FAM193A: variants seen among roughly 807,000 people sequenced by gnomAD.
FAM193A encodes protein FAM193A.
FAM193A carries 22 observed loss-of-function variants against 126.5 expected under a neutral mutation model. That is an observed-to-expected ratio of 0.17 (90% CI 0.12 to 0.25). The LOEUF is 0.25. Among genes scored for constraint, FAM193A ranks in the 10% least tolerant of loss-of-function variants. The pLI, the probability that FAM193A is intolerant of heterozygous loss-of-function variation, is 1.00. For missense variants in FAM193A, 1,675 were observed against 1,672.8 expected, an observed-to-expected ratio of 1.00 and a Z score of -0.02; for synonymous variants, 761 against 646.8, an observed-to-expected ratio of 1.18 and a Z score of -2.68.
intron 1 of FAM193A, among the ~76,000 whole-genome samples, chr4:2,573,519 A>T (rs1410902435): frequency 6.6e-6 from 1 of 151,908 alleles, no homozygotes; most frequent in Non-Finnish European, 1.5e-5. Flanking sequence ...TCTTCAAAAA[A>T]AAAAAAAAAA....
At chr4:2,552,845 TTC>T (rs1738021549) in intron 1 of FAM193A, among the ~76,000 whole-genome samples, 2 of 141,730 alleles carry the variant, frequency 1.4e-5, no homozygotes, top group South Asian at 4.4e-4. Context: ...CCACAGAACT[TTC>T]TTTTTTTTTT....
At chr4:2,720,316 G>A (rs1049613939) in intron 20 of FAM193A, among the ~76,000 whole-genome samples, 2 of 152,068 alleles carry the variant, frequency 1.3e-5, no homozygotes, top group Admixed American at 1.3e-4. Flanking sequence ...TACAGCAAGG[G>A]GCTAACTGTG....
rs1265366455 is a variant in FAM193A at position 2,695,004 on chromosome 4, G to C, written c.3151G>C (p.Asp1051His). Residue 1051 changes from aspartate to histidine, a missense_variant, in exon 17 of 21, where the codon GAT becomes CAT. By Grantham distance (81) the Asp-to-His change is moderately conservative. Coordinates refer to ENST00000637812, the MANE Select transcript of FAM193A (RefSeq NM_001366318.2). ...TGGTGTCTACGACCCACAGCAGGAT[G>C]ATGGGGACGAGAGTGCAGATGAGGA... ...ENGVYDPQQD[D>H]GDESADEDSC... is the part of the protein sequence containing the mutation. The C allele has an allele frequency of 8.1e-6, 13 of 1,610,044 alleles. No homozygotes were observed. The highest frequency in any genetic ancestry group is 1.3e-5 in the African/African-American group (1 of 74,838).
intron 7 of FAM193A, among the ~76,000 whole-genome samples, chr4:2,656,075 C>A (rs957846251): frequency 6.6e-6 from 1 of 152,170 alleles, no homozygotes; most frequent in Non-Finnish European, 1.5e-5. Flanking sequence ...GTGTGAGCCA[C>A]TGCATCCAGC....
chr4:2,541,446 CTTT>C (rs576194070), intron 1 of FAM193A, among the ~76,000 whole-genome samples: 13 of 137,820 alleles, frequency 9.4e-5, no homozygotes, highest in African/African-American at 1.4e-4. Flanking sequence ...TCATTGTGTA[CTTT>C]TTTTTTTTTT....
chr4:2,687,942 C>T (rs377248462), intron 13 of FAM193A, among the ~76,000 whole-genome samples: 3 of 152,208 alleles, frequency 2.0e-5, no homozygotes, highest in East Asian at 1.9e-4. Context: ...CCTGTCCTCC[C>T]TCTGCCCCAG....
chr4:2,702,319 G>A (rs10937931), intron 19 of FAM193A, among the ~76,000 whole-genome samples: 10,588 of 152,128 alleles, frequency 0.07, 653 homozygotes, highest in African/African-American at 0.16. Flanking sequence ...CATTTGATGC[G>A]GCCCTACCAG....
chr4:2,704,261 C>CAAAA (rs958166050), intron 19 of FAM193A, among the ~76,000 whole-genome samples: 1 of 89,312 alleles, frequency 1.1e-5, no homozygotes. Flanking sequence ...GACTCCATCT[C>CAAAA]AAAAAAAAAA....
chr4:2,549,382 GTTTTCTTT>G (rs1162428180), intron 1 of FAM193A, among the ~76,000 whole-genome samples: 4 of 144,408 alleles, frequency 2.8e-5, no homozygotes, highest in African/African-American at 7.6e-5. Flanking sequence ...TTCCCTCTAT[GTTTTCTTT>G]TTTTCTTTTT....
At chr4:2,587,520 C>T (rs1379841369) in intron 1 of FAM193A, among the ~76,000 whole-genome samples, 4 of 152,136 alleles carry the variant, frequency 2.6e-5, no homozygotes, top group South Asian at 2.1e-4. Flanking sequence ...AGCAAAACCT[C>T]GTCTCTGCTA....
chr4:2,672,192 A>G lies in FAM193A; in HGVS notation c.2151A>G (p.Ala717=), dbSNP rs759965495. ...KQEASGLTPS[A]MTAGALPPGH... is the part of the protein sequence containing the mutation. Reference sequence around the variant, plus strand: ...AAGCTTCTGGACTGACACCATCTGCAATGACAGCCGGAGCCCTTCCTCCTG... The same window carrying G: ...AAGCTTCTGGACTGACACCATCTGCGATGACAGCCGGAGCCCTTCCTCCTG... Residue 717 remains alanine (A), a synonymous_variant, in exon 13 of 21, where the codon GCA becomes GCG. Coordinates refer to ENST00000637812, the MANE Select transcript of FAM193A (RefSeq NM_001366318.2). 4 of 1,614,180 alleles carry G rather than the reference A, an allele frequency of 2.5e-6. No homozygotes were observed. The Admixed American group carries it at 5.0e-5, about 20-fold the overall frequency.
At position 2,731,979 on chromosome 4, in the gene FAM193A, G is replaced by A. The variant is rs538356037; in HGVS notation, c.*111G>A. 21 of 842,296 alleles carry A rather than the reference G, an allele frequency of 2.5e-5. No individual in the cohort carries two copies. The highest frequency in any genetic ancestry group is 1.8e-4 in the South Asian group (13 of 72,336). The allele number at this position is 842,296 out of a possible 1,614,324, so 52.2% of individuals were successfully genotyped here. A position where few individuals can be genotyped will look rare whatever the true frequency, so the allele number is the denominator to read the frequency against. On this transcript the variant is annotated 3_prime_UTR_variant, in exon 21 of 21. Coordinates refer to ENST00000637812, the MANE Select transcript of FAM193A (RefSeq NM_001366318.2). ...CCGTGGTGCTTGCCAAGGGCTGTGC[G>A]GAGCTGGTGCTGCCTGAAACCCCAG...
intron 1 of FAM193A, among the ~76,000 whole-genome samples, chr4:2,543,353 C>G (rs1296834209): frequency 6.6e-6 from 1 of 151,988 alleles, no homozygotes; most frequent in Non-Finnish European, 1.5e-5. Flanking sequence ...TCTCAAAGTG[C>G]TAGGATTACG....
chr4:2,699,527 G>A (rs973746976), intron 18 of FAM193A, among the ~76,000 whole-genome samples, 153 bp from the exon 19 acceptor site: 38 of 151,280 alleles, frequency 2.5e-4, no homozygotes, highest in Admixed American at 6.6e-5. Context: ...AAGAGAATTG[G>A]AGGTGGGTGT....
intron 1 of FAM193A, among the ~76,000 whole-genome samples, chr4:2,572,867 T>G (rs1342593919): frequency 6.6e-6 from 1 of 150,850 alleles, no homozygotes; most frequent in African/African-American, 2.4e-5. Context: ...GGCTTTTCTG[T>G]AATCCAGGTG....
chr4:2,681,401 C>G (rs913729871), intron 13 of FAM193A, among the ~76,000 whole-genome samples: 2 of 151,458 alleles, frequency 1.3e-5, no homozygotes, highest in Non-Finnish European at 2.9e-5. Flanking sequence ...TTAGATTGTT[C>G]TTTTTCTAAT....
chr4:2,683,926 C>T (rs1198963823), intron 13 of FAM193A, among the ~76,000 whole-genome samples: 1 of 152,210 alleles, frequency 6.6e-6, no homozygotes, highest in Non-Finnish European at 1.5e-5. Context: ...TTGCAGCTCC[C>T]TGACTCTTTC....
At chr4:2,675,012 G>A (rs529320191) in intron 13 of FAM193A, among the ~76,000 whole-genome samples, 19 of 152,282 alleles carry the variant, frequency 1.2e-4, no homozygotes, top group African/African-American at 4.6e-4. Flanking sequence ...AAAACTGTAA[G>A]TGCCAGAGAA....
chr4:2,650,716 C>A (rs866903574), intron 7 of FAM193A, among the ~76,000 whole-genome samples: 4 of 152,148 alleles, frequency 2.6e-5, no homozygotes, highest in South Asian at 2.1e-4. Context: ...GAGCTGCAGT[C>A]AAGTTGTATT....
Sources: allele counts gnomAD v4.1 joint callset (sites outside exome capture counted in the v4.1 genomes callset), GRCh38; gene constraint gnomAD v4.1.1; transcripts MANE v1.5; gene names NCBI Gene and HGNC (gene_info 2026-07-23, HGNC 2026-07-21).